Variants in USP42 observed in about 807,000 individuals in gnomAD.
USP42 encodes the protein ubiquitin carboxyl-terminal hydrolase 42.
A neutral mutation model predicts 113.0 loss-of-function variants in USP42; 23 were observed. The observed-to-expected ratio is 0.20, with a 90% CI of 0.15 to 0.29. The LOEUF (loss-of-function observed/expected upper bound fraction) is 0.29. Ranked by LOEUF, USP42 falls within the 10% of genes least tolerant of loss-of-function variation. The pLI, the probability that USP42 is intolerant of heterozygous loss-of-function variation, is 1.00. For missense variants in USP42, 2,174 were observed against 1,779.8 expected (o/e 1.22, Z -3.99); for synonymous variants, 933 against 699.0 (o/e 1.33, Z -5.28).
intron 8 of USP42, 67 bp downstream of exon 8, chr7:6,143,081 T>C: frequency 6.5e-7 from 1 of 1,536,500 alleles, no homozygotes; most frequent in Non-Finnish European, 9.0e-7. Flanking sequence ...CAGGCTTGGT[T>C]TGAGAGAGTT....
rs1359858254 is a variant in USP42 at position 6,154,897 on chromosome 7, A to G, written c.3343A>G (p.Ser1115Gly). 1.3e-6 allele frequency: 2 copies of G among 1,542,164 alleles called. No individual in the cohort carries two copies. Among genetic ancestry groups the G allele is most frequent in the East Asian group, 2.5e-5 (1 of 40,486 alleles). ...PARERERHRPSSPRAGAPHAL... is the reference protein window; with the variant it reads ...PARERERHRPGSPRAGAPHAL... ...CCGGGAGAGGGAGCGGCACCGCCCC[A>G]GCAGCCCCCGCGCAGGCGCGCCCCA... is the stretch of plus-strand genomic sequence containing the variant. The change falls in exon 15 of 18, where the codon AGC becomes GGC. Residue 1115 changes from serine to glycine, a missense_variant. By Grantham distance (56) the Ser-to-Gly change is moderately conservative (BLOSUM62 0). Coordinates refer to ENST00000306177, the MANE Select transcript of USP42 (RefSeq NM_032172.3).
chr7:6,115,832 C>G (rs913958019), intron 3 of USP42, among the ~76,000 whole-genome samples: 1 of 152,118 alleles, frequency 6.6e-6, no homozygotes, highest in Admixed American at 6.6e-5. Flanking sequence ...ATTAGCTGGG[C>G]TCACACCTGT....
At chr7:6,104,246 C>A (rs1298717817), upstream of USP42, among the ~76,000 whole-genome samples, 1 of 151,236 alleles carries the variant, frequency 6.6e-6, no homozygotes, top group Admixed American at 6.6e-5. Flanking sequence ...CCACGCCCGG[C>A]TAATTTTTTG....
In USP42 at chr7:6,154,751, A is replaced by G. The variant is rs1782324963; in HGVS notation, c.3197A>G (p.Tyr1066Cys). The change falls in exon 15 of 18, where the codon TAC (tyrosine) becomes TGC (cysteine). Residue 1066 changes from tyrosine to cysteine, a missense_variant. By Grantham distance (194) the Tyr-to-Cys change is radical. Coordinates refer to ENST00000306177, the MANE Select transcript of USP42 (RefSeq NM_032172.3). ...AGGTGCCGGTACTACCATGACAGGTACGCCCTGTACGCTGCCCGGGACTGG... is the reference window on the plus strand; with the variant it reads ...AGGTGCCGGTACTACCATGACAGGTGCGCCCTGTACGCTGCCCGGGACTGG... ...WDRCRYYHDRYALYAARDWKP... is the reference protein window; with the variant it reads ...WDRCRYYHDRCALYAARDWKP... 1.0e-5 allele frequency: 16 copies of G among 1,564,998 alleles called. No individual in the cohort carries two copies. The highest frequency in any genetic ancestry group is 1.4e-5 in the African/African-American group (1 of 73,636).
In USP42 at chr7:6,139,961, C is replaced by G. The variant is rs1168276900; in HGVS notation, c.657-167C>G. ...CTCCCAGACCTCCCTGTGTTCTGGC[C>G]AGGAAGGGATGCTCTTGGGCTGCCA... On this transcript the variant is annotated intron_variant, in intron 5 of 17. Coordinates refer to ENST00000306177, the MANE Select transcript of USP42 (RefSeq NM_032172.3). The surrounding 1 kb of genome is among the most constrained non-coding windows in gnomAD (Gnocchi z 4.5). 7.3e-6 allele frequency: 5 copies of G among 682,474 alleles called. No homozygotes were observed. The highest frequency in any genetic ancestry group is 1.3e-5 in the Non-Finnish European group (5 of 379,054). The allele number at this position is 682,474 out of a possible 1,614,324, so 42.3% of individuals were successfully genotyped here. A position where few individuals can be genotyped will look rare whatever the true frequency, so the allele number is the denominator to read the frequency against.
At chr7:6,153,720 C>T (rs1380786023) in intron 14 of USP42, 36 bp from the exon 15 acceptor site, 3 of 1,427,692 alleles carry the variant, frequency 2.1e-6, no homozygotes, top group Non-Finnish European at 2.8e-6. Context: ...GTCAAGCCCA[C>T]GCTAACGGGC....
At chr7:6,083,772 A>C in the USP42 span, among the ~76,000 whole-genome samples, 1 of 150,662 alleles carries the variant, frequency 6.6e-6, no homozygotes, top group South Asian at 2.1e-4. Context: ...GGAACTCTCC[A>C]TCTTAGGGCA....
At chr7:6,151,318 CACCTT>C (rs1345131746) in intron 14 of USP42, among the ~76,000 whole-genome samples, 3 of 152,270 alleles carry the variant, frequency 2.0e-5, no homozygotes, top group African/African-American at 7.2e-5. Context: ...ATAGTAAACA[CACCTT>C]AGCTTACTGT....
At chr7:6,133,983 T>C (rs1197889361) in intron 3 of USP42, among the ~76,000 whole-genome samples, 2 of 151,450 alleles carry the variant, frequency 1.3e-5, no homozygotes, top group Admixed American at 6.6e-5. Flanking sequence ...CTCTGCTTCC[T>C]GGGTTCACGC....
At position 6,124,220 on chromosome 7, in the gene USP42, C is replaced by T. The variant is rs917356563; in HGVS notation, c.442+8697C>T. On this transcript the variant is annotated intron_variant, in intron 3 of 17. Coordinates refer to ENST00000306177, the MANE Select transcript of USP42 (RefSeq NM_032172.3). ...TTCATGTTAGCATGATATATTTTTT[C>T]CATCTTTTTATCTTTAACTTATTTT... Among the ~76,000 whole-genome samples the T allele has an allele frequency of 3.3e-5, 5 of 151,872 alleles. No homozygotes were observed. In the East Asian group the frequency reaches 9.7e-4, roughly 30 times the overall value.
chr7:6,087,379 C>A, the USP42 span, among the ~76,000 whole-genome samples: 1 of 133,696 alleles, frequency 7.5e-6, no homozygotes, highest in South Asian at 2.4e-4. Flanking sequence ...AAGTCTCACT[C>A]TGTTGTCCAG....
chr7:6,133,950 G>C (rs1780991924), intron 3 of USP42, among the ~76,000 whole-genome samples: 1 of 150,536 alleles, frequency 6.6e-6, no homozygotes, highest in Non-Finnish European at 1.5e-5. Flanking sequence ...GAGTGCAGTG[G>C]TGCCATCTCA....
intron 1 of USP42, among the ~76,000 whole-genome samples, chr7:6,108,247 A>G (rs1354423653): frequency 6.6e-6 from 1 of 152,158 alleles, no homozygotes; most frequent in Admixed American, 6.6e-5. Context: ...GCTTTTAAAA[A>G]ACAAATTTGG....
At chr7:6,126,611 T>C (rs1780560802) in intron 3 of USP42, among the ~76,000 whole-genome samples, 2 of 152,232 alleles carry the variant, frequency 1.3e-5, no homozygotes, top group Non-Finnish European at 2.9e-5. Context: ...CTTTAACTAC[T>C]TTTCCATTAA....
At chr7:6,103,562 T>C (rs1403889004), upstream of USP42, among the ~76,000 whole-genome samples, 2 of 149,074 alleles carry the variant, frequency 1.3e-5, no homozygotes, top group African/African-American at 5.1e-5. Flanking sequence ...ACTCAGTGTG[T>C]GAGTCTGATG....
chr7:6,122,279 GTTT>G (rs55777900), intron 3 of USP42, among the ~76,000 whole-genome samples: 4 of 133,536 alleles, frequency 3.0e-5, no homozygotes, highest in African/African-American at 5.5e-5. Context: ...TCATGTGTCA[GTTT>G]TTTTTTTTTT....
chr7:6,147,496 G>A (rs1781781674), intron 11 of USP42, among the ~76,000 whole-genome samples: 1 of 152,170 alleles, frequency 6.6e-6, no homozygotes, highest in Non-Finnish European at 1.5e-5. Flanking sequence ...AGATGAAACA[G>A]CATCTTCAGA....
At chr7:6,103,428 T>A (rs553360834), upstream of USP42, among the ~76,000 whole-genome samples, 1 of 148,892 alleles carries the variant, frequency 6.7e-6, no homozygotes, top group African/African-American at 2.5e-5. Context: ...CCCAGGTACT[T>A]AGGAGGCTGA....
intron 15 of USP42, 95 bp downstream of exon 15, chr7:6,155,290 C>G (rs1043520098): frequency 7.0e-7 from 1 of 1,437,038 alleles, no homozygotes; most frequent in Non-Finnish European, 9.1e-7. Context: ...AGTGACCAGC[C>G]AGGCCACAGT....
Sources: gnomAD v4.1 joint callset for allele counts (sites outside exome capture counted in the v4.1 genomes callset) on GRCh38, gnomAD v4.1.1 for gene constraint, Gnocchi (gnomAD v3.1) non-coding constraint, MANE v1.5 for transcripts, NCBI Gene and HGNC (gene_info 2026-07-23, HGNC 2026-07-21) for gene names.